FTCDNL1: variants seen among roughly 807,000 people sequenced by gnomAD.
The protein encoded by FTCDNL1 is formiminotransferase N-terminal subdomain-containing protein.
FTCDNL1 carries 11 observed loss-of-function variants against 5.9 expected under a neutral mutation model. That is an observed-to-expected ratio of 1.87 (90% confidence interval 1.18 to 3.10). The LOEUF (loss-of-function observed/expected upper bound fraction) is 3.10, where lower values mean the gene tolerates loss of function less well. Ranked by LOEUF, FTCDNL1 falls within the 30% of genes most tolerant of loss-of-function variation. The pLI, the probability that FTCDNL1 is intolerant of heterozygous loss-of-function variation, is 0.00. For missense variants in FTCDNL1, 115 were observed against 65.5 expected (o/e 1.76, Z -2.61); for synonymous variants, 58 against 24.8 (o/e 2.34, Z -3.99).
intron 3 of FTCDNL1, among the ~76,000 whole-genome samples, chr2:199,843,956 A>G (rs1165402354): frequency 6.6e-6 from 1 of 152,066 alleles, no homozygotes; most frequent in African/African-American, 2.4e-5. Flanking sequence ...AAAAAGGAAA[A>G]AAAAAAAGTC....
At chr2:199,750,093 T>A in the FTCDNL1 span, among the ~76,000 whole-genome samples, 1 of 151,484 alleles carries the variant, frequency 6.6e-6, no homozygotes, top group Non-Finnish European at 1.5e-5. Flanking sequence ...GTGGCTCACA[T>A]CTGTGATCCC....
the FTCDNL1 span, among the ~76,000 whole-genome samples, chr2:199,748,555 G>C: frequency 3.3e-5 from 5 of 152,120 alleles, no homozygotes; most frequent in Non-Finnish European, 4.4e-5. Flanking sequence ...TTCCTACTTA[G>C]TTTACACCTG....
chr2:199,831,568 G>A (rs754527214), intron 3 of FTCDNL1, among the ~76,000 whole-genome samples: 211 of 152,234 alleles, frequency 1.4e-3, no homozygotes, highest in Non-Finnish European at 2.4e-3. Flanking sequence ...TAGTATAAGA[G>A]CATTTCTAAT....
At chr2:199,678,501 AT>A in the FTCDNL1 span, among the ~76,000 whole-genome samples, 2 of 152,022 alleles carry the variant, frequency 1.3e-5, no homozygotes, top group African/African-American at 4.8e-5. Flanking sequence ...TATAAGCCAT[AT>A]TTTTTAAGTA....
the FTCDNL1 span, among the ~76,000 whole-genome samples, chr2:199,715,587 G>A: frequency 3.4e-4 from 52 of 152,240 alleles, no homozygotes; most frequent in Non-Finnish European, 6.2e-4. Context: ...AAATTACCCA[G>A]TCTCGGGTAT....
At chr2:199,794,178 G>C in intron 3 of FTCDNL1, among the ~76,000 whole-genome samples, 1 of 152,132 alleles carries the variant, frequency 6.6e-6, no homozygotes, top group Non-Finnish European at 1.5e-5. Context: ...AGTACACACT[G>C]GTGGAAAATT....
the FTCDNL1 span, among the ~76,000 whole-genome samples, chr2:199,680,177 G>A: frequency 6.6e-6 from 1 of 152,192 alleles, no homozygotes; most frequent in South Asian, 2.1e-4. Flanking sequence ...CAGGTTGGAG[G>A]AGTCTGTTGG....
chr2:199,681,688 C>T, the FTCDNL1 span, among the ~76,000 whole-genome samples: 1 of 152,086 alleles, frequency 6.6e-6, no homozygotes, highest in African/African-American at 2.4e-5. Flanking sequence ...GAAGAGTCTC[C>T]GGATATATTT....
chr2:199,756,108 T>C (rs1019181465), downstream of FTCDNL1, among the ~76,000 whole-genome samples: 1 of 152,230 alleles, frequency 6.6e-6, no homozygotes, highest in Non-Finnish European at 1.5e-5. Context: ...TTGTCTTTTA[T>C]AGTAAATTTA....
At chr2:199,807,883 A>G (rs1700814717), downstream of FTCDNL1, among the ~76,000 whole-genome samples, 1 of 152,146 alleles carries the variant, frequency 6.6e-6, no homozygotes, top group African/African-American at 2.4e-5. Flanking sequence ...GTTTGGATCA[A>G]TGTCTCCACC....
At chr2:199,761,375 C>T (rs958052821) in intron 3 of FTCDNL1, among the ~76,000 whole-genome samples, 3 of 152,208 alleles carry the variant, frequency 2.0e-5, no homozygotes, top group African/African-American at 7.2e-5. Context: ...TCTGGCCACC[C>T]TTGACCCAGG....
At chr2:199,768,385 A>G (rs1698637697) in intron 3 of FTCDNL1, among the ~76,000 whole-genome samples, 1 of 152,206 alleles carries the variant, frequency 6.6e-6, no homozygotes, top group African/African-American at 2.4e-5. Flanking sequence ...GAAGTCTTCT[A>G]CATCATTTTA....
chr2:199,693,500 G>T, the FTCDNL1 span, among the ~76,000 whole-genome samples: 1 of 152,124 alleles, frequency 6.6e-6, no homozygotes, highest in Non-Finnish European at 1.5e-5. Context: ...TTATATTCTT[G>T]AGAAAGTGCT....
chr2:199,833,841 T>C (rs948906218), intron 3 of FTCDNL1, among the ~76,000 whole-genome samples: 19 of 152,182 alleles, frequency 1.2e-4, no homozygotes, highest in Admixed American at 2.6e-4. Flanking sequence ...CCCCTTTTCA[T>C]ATCCCCACCT....
At chr2:199,807,368 T>C (rs1462911857), downstream of FTCDNL1, among the ~76,000 whole-genome samples, 1 of 152,212 alleles carries the variant, frequency 6.6e-6, no homozygotes, top group East Asian at 1.9e-4. Flanking sequence ...CCAGGCATGG[T>C]GGCTTACACC....
At chr2:199,711,698 G>A in the FTCDNL1 span, among the ~76,000 whole-genome samples, 2 of 152,062 alleles carry the variant, frequency 1.3e-5, no homozygotes, top group East Asian at 3.9e-4. Flanking sequence ...AGGGACTGTT[G>A]AAAAAAGGCT....
chr2:199,703,214 C>T, the FTCDNL1 span, among the ~76,000 whole-genome samples: 15 of 151,430 alleles, frequency 9.9e-5, no homozygotes, highest in Admixed American at 3.9e-4. Context: ...CCTGCCCCCA[C>T]CCCACAACAG....
At chr2:199,752,841 A>G in the FTCDNL1 span, among the ~76,000 whole-genome samples, 5 of 151,736 alleles carry the variant, frequency 3.3e-5, no homozygotes, top group Admixed American at 2.0e-4. Context: ...AGAGAGAGAG[A>G]GAGAGACAGA....
At chr2:199,829,246 C>T (rs1702219913) in intron 3 of FTCDNL1, among the ~76,000 whole-genome samples, 1 of 152,114 alleles carries the variant, frequency 6.6e-6, no homozygotes, top group Admixed American at 6.6e-5. Context: ...AGTGGTTCTG[C>T]CCTTCCCAAT....
Sources: allele counts gnomAD v4.1 joint callset (sites outside exome capture counted in the v4.1 genomes callset), GRCh38; gene constraint gnomAD v4.1.1; transcripts MANE v1.5; gene names NCBI Gene and HGNC (gene_info 2026-07-23, HGNC 2026-07-21).